The following UBXN10 variants were observed in gnomAD, a reference collection of about 807,000 sequenced individuals.
UBXN10 encodes the protein UBX domain protein 10.
UBXN10 carries 6 observed loss-of-function variants against 6.9 expected under a neutral mutation model. The ratio of observed to expected loss-of-function variants is 0.87; its 90% CI spans 0.48 to 1.72. The LOEUF is 1.72. UBXN10 is among the 40% of genes most tolerant of loss of function. The pLI is 0.01. For synonymous variants in UBXN10, 131 were observed against 135.2 expected (o/e 0.97, Z 0.21); for missense variants, 317 against 348.4 (o/e 0.91, Z 0.72).
At chr1:20,183,830 G>A (rs2018316750), upstream of UBXN10, among the ~76,000 whole-genome samples, 1 of 152,234 alleles carries the variant, frequency 6.6e-6, no homozygotes, top group Non-Finnish European at 1.5e-5. Context: ...GCAGCCCAGG[G>A]AGAGAGCTGG....
rs771235590 is a variant in UBXN10, at chr1:20,190,755, C to T, written c.194C>T (p.Ser65Phe). The change falls in exon 2 of 2, where the codon TCT (serine) becomes TTT (phenylalanine). Residue 65 changes from serine (S) to phenylalanine (F), a missense_variant. Ser to Phe is a radical substitution (Grantham distance 155). Coordinates refer to ENST00000375099, the MANE Select transcript of UBXN10 (RefSeq NM_152376.5). ...GAGGTGTGCGCTCATCATATACCAT[C>T]TCCGCCTCCAGCCATTCCCTATGAG... is the stretch of plus-strand genomic sequence containing the variant. ...GVEVCAHHIP[S>F]PPPAIPYELP... 4 of 1,614,070 alleles carry T rather than the reference C, an allele frequency of 2.5e-6. No homozygotes were observed. The highest frequency in any genetic ancestry group is 2.5e-6 in the Non-Finnish European group (3 of 1,180,048).
At position 20,191,037 on chromosome 1, in the gene UBXN10, G is replaced by A. The variant is rs138479642; in HGVS notation, c.476G>A (p.Ser159Asn). 6.2e-5 allele frequency: 100 copies of A among 1,613,994 alleles called. No individual in the cohort carries two copies. In the African/African-American group the frequency reaches 1.2e-3, roughly 19 times the overall value. Residue 159 changes from serine to asparagine, a missense_variant, in exon 2 of 2, where the codon AGT becomes AAT. Transcript: ENST00000375099. The surrounding 1 kb of genome is among the most constrained non-coding windows in gnomAD (Gnocchi z 4.5). The part of the protein sequence containing the change: ...YQDETGTMKT[S>N]EEDSRARACA... ...GACGAGACGGGCACCATGAAGACAA[G>A]TGAAGAAGATTCCAGAGCTCGAGCT... is the stretch of plus-strand genomic sequence containing the variant.
upstream of UBXN10, among the ~76,000 whole-genome samples, chr1:20,185,644 G>A (rs1354537504): frequency 1.3e-5 from 2 of 152,286 alleles, no homozygotes; most frequent in Non-Finnish European, 2.9e-5. Flanking sequence ...TGGGGGCCCT[G>A]CTCCCCGCAA....
In UBXN10 at chr1:20,187,083, G is replaced by A. The variant is rs1272644732; in HGVS notation, c.-16+930G>A. Among the ~76,000 whole-genome samples, 1 of 152,136 alleles carries A rather than the reference G, an allele frequency of 6.6e-6. No individual in the cohort carries two copies. The highest frequency in any genetic ancestry group is 1.5e-5 in the Non-Finnish European group (1 of 68,024). Reference sequence around the variant, plus strand: ...GTGGTCTGACCCTGTGGTGGGTGGTGGGCACCCTTAGAAAGCAGGAGCCCT... The same window carrying A: ...GTGGTCTGACCCTGTGGTGGGTGGTAGGCACCCTTAGAAAGCAGGAGCCCT... On this transcript the variant is annotated intron_variant, in intron 1 of 1. Coordinates refer to ENST00000375099, the MANE Select transcript of UBXN10 (RefSeq NM_152376.5). The surrounding 1 kb of genome is among the most constrained non-coding windows in gnomAD (Gnocchi z 4.6).
chr1:20,191,298 T>A lies in UBXN10; in HGVS notation c.737T>A (p.Val246Glu). ...CACTGCAGCATTGAAACAATGGAGGTGCCCAGGAGGCGATTTTCTGACCTC... is the reference window on the plus strand; with the variant it reads ...CACTGCAGCATTGAAACAATGGAGGAGCCCAGGAGGCGATTTTCTGACCTC... ...YRHCSIETME[V>E]PRRRFSDLTK... The change falls in exon 2 of 2, where the codon GTG becomes GAG. Residue 246 changes from valine to glutamate, a missense_variant. Val to Glu is a moderately radical substitution (Grantham distance 121). Coordinates refer to ENST00000375099, the MANE Select transcript of UBXN10 (RefSeq NM_152376.5). The surrounding 1 kb of genome is among the most constrained non-coding windows in gnomAD (Gnocchi z 4.5). The A allele has an allele frequency of 6.2e-7, 1 of 1,614,114 alleles. No homozygotes were observed. The highest frequency in any genetic ancestry group is 8.5e-7 in the Non-Finnish European group (1 of 1,180,014).
In UBXN10 at chr1:20,191,002, T is replaced by C; in HGVS notation, c.441T>C (p.Ala147=). 3 of 1,614,100 alleles carry C rather than the reference T, an allele frequency of 1.9e-6. No individual in the cohort carries two copies. Among genetic ancestry groups the C allele is most frequent in the Non-Finnish European group, 2.5e-6 (3 of 1,180,034 alleles). ...CACTGCAACTGAGCAGTATCCGGGCTCTTTACCAAGACGAGACGGGCACCA... is the reference window on the plus strand; with the variant it reads ...CACTGCAACTGAGCAGTATCCGGGCCCTTTACCAAGACGAGACGGGCACCA... ...ASSLQLSSIR[A]LYQDETGTMK... is the part of the protein sequence containing the mutation. The change falls in exon 2 of 2, where the codon GCT becomes GCC. Residue 147 remains alanine, a synonymous_variant. Transcript: ENST00000375099. The surrounding 1 kb of genome is among the most constrained non-coding windows in gnomAD (Gnocchi z 4.5).
rs372417714 is a variant in UBXN10, at chr1:20,191,245, C to G, written c.684C>G (p.Ala228=). The change falls in exon 2 of 2, where the codon GCC becomes GCG. Residue 228 remains alanine, a synonymous_variant. Coordinates refer to ENST00000375099, the MANE Select transcript of UBXN10 (RefSeq NM_152376.5). The surrounding 1 kb of genome is among the most constrained non-coding windows in gnomAD (Gnocchi z 4.5). ...ATTTGCAAACCATTGTTGCTGTGGC[C>G]GAACAGAAAAACAAAACCTCCTACC... The part of the protein sequence containing the change: ...TDDLQTIVAV[A]EQKNKTSYRH... 4.8e-5 allele frequency: 77 copies of G among 1,613,970 alleles called. No homozygotes were observed. The highest frequency in any genetic ancestry group is 3.3e-4 in the Middle Eastern group (2 of 6,084).
intron 1 of UBXN10, among the ~76,000 whole-genome samples, chr1:20,186,904 G>T (rs947219121): frequency 1.3e-5 from 2 of 152,072 alleles, no homozygotes; most frequent in Non-Finnish European, 2.9e-5. Flanking sequence ...GTGGGTTGGG[G>T]GGGGCGGGAT....
rs539970894 is a variant in UBXN10 at position 20,187,411 on chromosome 1, A to G, written c.-16+1258A>G. ...AGGGAGAATCATGGCTGCTGCCTCA[A>G]TCCTGGACTGAGGGTGGTGGGCAGA... On this transcript the variant is annotated intron_variant, in intron 1 of 1. Coordinates refer to ENST00000375099, the MANE Select transcript of UBXN10 (RefSeq NM_152376.5). The surrounding 1 kb of genome is among the most constrained non-coding windows in gnomAD (Gnocchi z 4.6). 2.0e-5 allele frequency among the ~76,000 whole-genome samples: 3 copies of G among 151,916 alleles called. No individual in the cohort carries two copies. In the South Asian group the frequency reaches 6.3e-4, roughly 32 times the overall value.
At chr1:20,184,117 C>T (rs561871572), upstream of UBXN10, 1 of 152,198 alleles carries the variant, frequency 6.6e-6, no homozygotes, top group African/African-American at 2.4e-5. Flanking sequence ...GTACTGCTGA[C>T]GTTAACTGCA....
chr1:20,195,470 G>C lies in UBXN10; in HGVS notation c.*4066G>C, dbSNP rs984350949. On this transcript the variant is annotated 3_prime_UTR_variant, in exon 2 of 2. Transcript: ENST00000375099. ...GTGGTTCGGGCCAGGGTGGTAGCCA[G>C]AGATGTCATGAGAGGTGGCCAGATT... is the stretch of plus-strand genomic sequence containing the variant. The C allele has an allele frequency of 1.2e-5, 2 of 167,304 alleles. No individual in the cohort carries two copies. Among genetic ancestry groups the C allele is most frequent in the Admixed American group, 1.3e-4 (2 of 15,304 alleles). 10.4% of individuals were successfully genotyped at this position (167,304 alleles called of 1,614,324 possible). A position where few individuals can be genotyped will look rare whatever the true frequency, so the allele number is the denominator to read the frequency against.
Position 20,190,828 on chromosome 1 carries a change from C to T in UBXN10, c.267C>T (p.Asn89=), listed in dbSNP as rs150584609. 6 of 1,613,874 alleles carry T rather than the reference C, an allele frequency of 3.7e-6. No individual in the cohort carries two copies. The highest frequency in any genetic ancestry group is 5.1e-6 in the Non-Finnish European group (6 of 1,180,030). Residue 89 remains asparagine (N), a synonymous_variant, in exon 2 of 2, where the codon AAC becomes AAT. Coordinates refer to ENST00000375099, the MANE Select transcript of UBXN10 (RefSeq NM_152376.5). ...KPGACAPKSP[N]QGASDEIPEL... ...GAGCCTGTGCACCCAAATCTCCAAA[C>T]CAGGGAGCTTCTGATGAGATCCCTG...
intron 1 of UBXN10, among the ~76,000 whole-genome samples, chr1:20,186,903 G>A (rs377320099): frequency 6.6e-6 from 1 of 152,070 alleles, no homozygotes; most frequent in Non-Finnish European, 1.5e-5. Flanking sequence ...TGTGGGTTGG[G>A]GGGGGCGGGA....
rs142831657 is a variant in UBXN10 at position 20,191,270 on chromosome 1, C to A, written c.709C>A (p.Arg237=). ...VAEQKNKTSY[R]HCSIETMEVP... The stretch of plus-strand genomic sequence containing the variant: ...CGAACAGAAAAACAAAACCTCCTAC[C>A]GACACTGCAGCATTGAAACAATGGA... The change falls in exon 2 of 2, where the codon CGA becomes AGA. Residue 237 remains arginine, a synonymous_variant. Coordinates refer to ENST00000375099, the MANE Select transcript of UBXN10 (RefSeq NM_152376.5). The surrounding 1 kb of genome is among the most constrained non-coding windows in gnomAD (Gnocchi z 4.5). 6.2e-7 allele frequency: 1 copy of A among 1,614,166 alleles called. No homozygotes were observed. Among genetic ancestry groups the A allele is most frequent in the Non-Finnish European group, 8.5e-7 (1 of 1,180,018 alleles).
At chr1:20,183,377 G>A (rs1569941019), upstream of UBXN10, among the ~76,000 whole-genome samples, 1 of 152,212 alleles carries the variant, frequency 6.6e-6, no homozygotes, top group East Asian at 1.9e-4. Context: ...AAGGGCCATG[G>A]GGGAACACGC....
chr1:20,183,597 T>C (rs889317728), upstream of UBXN10, among the ~76,000 whole-genome samples: 2 of 152,218 alleles, frequency 1.3e-5, no homozygotes, highest in African/African-American at 4.8e-5. Flanking sequence ...CAGCACCATC[T>C]TGGGCATGTT....
chr1:20,188,198 T>C (rs1235769680), intron 1 of UBXN10, among the ~76,000 whole-genome samples: 1 of 152,022 alleles, frequency 6.6e-6, no homozygotes, highest in East Asian at 1.9e-4. Context: ...ATAGATGAAA[T>C]TAACAAGGAG....
rs1268496210 is a variant in UBXN10 at position 20,194,875 on chromosome 1, A to G, written c.*3471A>G. 1 of 167,126 alleles carries G rather than the reference A, an allele frequency of 6.0e-6. No homozygotes were observed. Among genetic ancestry groups the G allele is most frequent in the South Asian group, 2.1e-4 (1 of 4,834 alleles). 10.4% of individuals were successfully genotyped at this position (167,126 alleles called of 1,614,324 possible). On this transcript the variant is annotated 3_prime_UTR_variant, in exon 2 of 2. Transcript: ENST00000375099. ...AAGTCATTCCAAGAATTAAGCAGGA[A>G]CATCTGTTTTCTCAGTCCATTAAGG...
At position 20,193,844 on chromosome 1, in the gene UBXN10, A is replaced by G. The variant is rs1210375993; in HGVS notation, c.*2440A>G. On this transcript the variant is annotated 3_prime_UTR_variant, in exon 2 of 2. Coordinates refer to ENST00000375099, the MANE Select transcript of UBXN10 (RefSeq NM_152376.5). ...AGTTCCTGATGGCTCCACATGTTGC[A>G]TTGCAGCTGAGGCCCCCTGTCCTAA... 1.2e-5 allele frequency: 2 copies of G among 167,016 alleles called. No individual in the cohort carries two copies. The highest frequency in any genetic ancestry group is 2.9e-5 in the Non-Finnish European group (2 of 68,122). The allele number at this position is 167,016 out of a possible 1,614,324, so 10.3% of individuals were successfully genotyped here. A position where few individuals can be genotyped will look rare whatever the true frequency, so the allele number is the denominator to read the frequency against.
Sources: gnomAD v4.1 joint callset for allele counts (sites outside exome capture counted in the v4.1 genomes callset) on GRCh38, gnomAD v4.1.1 for gene constraint, Gnocchi (gnomAD v3.1) non-coding constraint, MANE v1.5 for transcripts, NCBI Gene and HGNC (gene_info 2026-07-23, HGNC 2026-07-21) for gene names.